PTK7: variants seen among roughly 807,000 people sequenced by gnomAD.
PTK7 encodes the protein inactive tyrosine-protein kinase 7.
In PTK7, 39 loss-of-function variants were observed where a neutral mutation model predicts 116.6. That is an observed-to-expected ratio of 0.33 (90% CI 0.26 to 0.44). The LOEUF (loss-of-function observed/expected upper bound fraction) is 0.44. Among genes scored for constraint, PTK7 ranks in the 20% least tolerant of loss-of-function variants. The pLI, the probability that PTK7 is intolerant of heterozygous loss-of-function variation, is 1.00. For synonymous variants in PTK7, 546 were observed against 563.6 expected, an observed-to-expected ratio of 0.97 and a Z score of 0.44; for missense variants, 1,169 against 1,425.6, an observed-to-expected ratio of 0.82 and a Z score of 2.90.
chr6:43,129,106 C>T lies in PTK7; in HGVS notation c.209C>T (p.Ala70Val), dbSNP rs758889571. 1.2e-6 allele frequency: 2 copies of T among 1,614,182 alleles called. No individual in the cohort carries two copies. Among genetic ancestry groups the T allele is most frequent in the South Asian group, 1.1e-5 (1 of 91,090 alleles). The change falls in exon 2 of 20, where the codon GCC (alanine) becomes GTC (valine). Residue 70 changes from alanine to valine, a missense_variant. Physicochemically the swap from Ala to Val is moderately conservative, Grantham distance 64. This residue lies in a region of PTK7 where 487 missense variants were observed against 549.8 expected (regional missense o/e 0.89). Coordinates refer to ENST00000230419, the MANE Select transcript of PTK7 (RefSeq NM_002821.5). This position sits in a 1 kb window ranked among gnomAD's most constrained non-coding sequence, Gnocchi z 4.5. ...PVHVYWLLDG[A>V]PVQDTERRFA... ...CATGTGTACTGGCTGCTCGATGGGG[C>T]CCCTGTCCAGGACACGGAGCGGCGT...
intron 17 of PTK7, among the ~76,000 whole-genome samples, chr6:43,152,547 T>G (rs1415396041): frequency 6.6e-6 from 1 of 152,226 alleles, no homozygotes; most frequent in Non-Finnish European, 1.5e-5. Context: ...TTCCCAACTC[T>G]AATTACATCA....
chr6:43,143,761 C>CG lies in PTK7; in HGVS notation c.2251+144dup. Reference sequence around the variant, plus strand: ...GGAGCTGGGACTGCCCCACCCCTAGCGGGAAGCCTGGAGTTGGATTCCCAG... The same window carrying CG: ...GGAGCTGGGACTGCCCCACCCCTAGCGGGGAAGCCTGGAGTTGGATTCCCAG... On this transcript the variant is annotated intron_variant, in intron 14 of 19. Coordinates refer to ENST00000230419, the MANE Select transcript of PTK7 (RefSeq NM_002821.5). This position sits in a 1 kb window ranked among gnomAD's most constrained non-coding sequence, Gnocchi z 4.2. The CG allele has an allele frequency of 1.1e-6, 1 of 928,284 alleles. No homozygotes were observed. The highest frequency in any genetic ancestry group is 1.6e-6 in the Non-Finnish European group (1 of 637,226). The allele number at this position is 928,284 out of a possible 1,614,324, so 57.5% of individuals were successfully genotyped here.
At chr6:43,138,697 T>C (rs1770194585) in intron 7 of PTK7, 152 bp from the exon 8 acceptor site, 2 of 1,100,714 alleles carry the variant, frequency 1.8e-6, no homozygotes, top group Non-Finnish European at 2.5e-6. Flanking sequence ...TGCTGGCACC[T>C]GGGTCTTCCG....
Position 43,141,804 on chromosome 6 carries a change from G to A in PTK7, c.1755G>A (p.Gln585=). The stretch of plus-strand genomic sequence containing the variant: ...AGGGCCAGATTCGTGCCCATGTCCA[G>A]CTCACTGTGGCAGGTGCGACCGTGG... ...GPQGQIRAHV[Q]LTVAVFITFK... is the part of the protein sequence containing the mutation. Residue 585 remains glutamine, a synonymous_variant, in exon 11 of 20, where the codon CAG becomes CAA. Transcript: ENST00000230419. This position sits in a 1 kb window ranked among gnomAD's most constrained non-coding sequence, Gnocchi z 4.9. The A allele has an allele frequency of 6.2e-7, 1 of 1,613,740 alleles. No homozygotes were observed. The highest frequency in any genetic ancestry group is 8.5e-7 in the Non-Finnish European group (1 of 1,179,856).
rs1770416772 is a variant in PTK7 at position 43,141,698 on chromosome 6, A to T, written c.1649A>T (p.Asp550Val). 2 of 1,614,154 alleles carry T rather than the reference A, an allele frequency of 1.2e-6. No homozygotes were observed. Among genetic ancestry groups the T allele is most frequent in the Non-Finnish European group, 1.7e-6 (2 of 1,180,030 alleles). ...DGSSLPEWVT[D>V]NAGTLHFARV... ...AGCAGCCTCCCAGAGTGGGTGACAGACAACGCTGGGACCCTGCATTTTGCC... is the reference window on the plus strand; with the variant it reads ...AGCAGCCTCCCAGAGTGGGTGACAGTCAACGCTGGGACCCTGCATTTTGCC... Residue 550 changes from aspartate to valine, a missense_variant, in exon 11 of 20, where the codon GAC becomes GTC. Coordinates refer to ENST00000230419, the MANE Select transcript of PTK7 (RefSeq NM_002821.5). This position sits in a 1 kb window ranked among gnomAD's most constrained non-coding sequence, Gnocchi z 4.9.
intron 1 of PTK7, among the ~76,000 whole-genome samples, chr6:43,101,192 G>T (rs1189721782): frequency 6.8e-6 from 1 of 147,654 alleles, no homozygotes; most frequent in Non-Finnish European, 1.5e-5. Flanking sequence ...TCCAGCCTGG[G>T]CAACAAGAGC....
intron 7 of PTK7, among the ~76,000 whole-genome samples, chr6:43,137,261 G>T (rs1770096776): frequency 6.6e-6 from 1 of 152,184 alleles, no homozygotes; most frequent in Non-Finnish European, 1.5e-5. Context: ...GACTATAATA[G>T]TCTAGGGGAG....
At chr6:43,140,975 C>G (rs1357776863) in intron 10 of PTK7, among the ~76,000 whole-genome samples, 1 of 151,960 alleles carries the variant, frequency 6.6e-6, no homozygotes, top group Non-Finnish European at 1.5e-5. Context: ...ATTGGATTCA[C>G]TGTAATTTAC....
chr6:43,114,490 G>T (rs1343437274), intron 1 of PTK7, among the ~76,000 whole-genome samples: 4 of 151,474 alleles, frequency 2.6e-5, no homozygotes, highest in Non-Finnish European at 5.9e-5. Context: ...TGTGACTTTG[G>T]AGGTCCGTAA....
intron 1 of PTK7, among the ~76,000 whole-genome samples, chr6:43,100,610 T>C (rs1767521611): frequency 6.6e-6 from 1 of 152,032 alleles, no homozygotes. Flanking sequence ...TTTATAGGAG[T>C]TTATGAGATA....
chr6:43,146,473 C>T (rs1239395003), intron 16 of PTK7, 145 bp from the exon 17 acceptor site: 3 of 655,876 alleles, frequency 4.6e-6, no homozygotes, highest in Non-Finnish European at 7.9e-6. Context: ...TCCCAGTGAA[C>T]TTCCCCCTGG....
At chr6:43,118,743 G>GTGTGTA (rs1221698056) in intron 1 of PTK7, among the ~76,000 whole-genome samples, 1 of 123,638 alleles carries the variant, frequency 8.1e-6, no homozygotes. Context: ...GTATATATGT[G>GTGTGTA]TGTGTATGTG....
At position 43,143,762 on chromosome 6, in the gene PTK7, G is replaced by A. The variant is rs531034562; in HGVS notation, c.2251+142G>A. 67 of 914,620 alleles carry A rather than the reference G, an allele frequency of 7.3e-5. No individual in the cohort carries two copies. Among genetic ancestry groups the A allele is most frequent in the Non-Finnish European group, 9.9e-5 (62 of 624,658 alleles). The allele number at this position is 914,620 out of a possible 1,614,324, so 56.7% of individuals were successfully genotyped here. On this transcript the variant is annotated intron_variant, in intron 14 of 19. Coordinates refer to ENST00000230419, the MANE Select transcript of PTK7 (RefSeq NM_002821.5). This position sits in a 1 kb window ranked among gnomAD's most constrained non-coding sequence, Gnocchi z 4.2. ...GAGCTGGGACTGCCCCACCCCTAGCGGGAAGCCTGGAGTTGGATTCCCAGG... is the reference window on the plus strand; with the variant it reads ...GAGCTGGGACTGCCCCACCCCTAGCAGGAAGCCTGGAGTTGGATTCCCAGG...
chr6:43,102,719 G>T (rs1279645278), intron 1 of PTK7, among the ~76,000 whole-genome samples: 1 of 150,224 alleles, frequency 6.7e-6, no homozygotes, highest in African/African-American at 2.5e-5. Context: ...AACAAACATA[G>T]CCATCATTAT....
intron 1 of PTK7, among the ~76,000 whole-genome samples, chr6:43,117,453 A>C (rs1318623363): frequency 1.3e-5 from 2 of 152,176 alleles, no homozygotes; most frequent in Non-Finnish European, 2.9e-5. Context: ...ACAGGGAATT[A>C]ATGAGTGAAA....
At chr6:43,120,585 T>A (rs1023884111) in intron 1 of PTK7, among the ~76,000 whole-genome samples, 63 of 152,182 alleles carry the variant, frequency 4.1e-4, no homozygotes, top group African/African-American at 1.5e-3. Context: ...CCAGGCCTGG[T>A]GCTGCATTTA....
chr6:43,138,565 G>T, intron 7 of PTK7: 1 of 268,572 alleles, frequency 3.7e-6, no homozygotes, highest in Non-Finnish European at 7.0e-6. Flanking sequence ...GGAGGCTGAG[G>T]TGGGAAAAAT....
In PTK7 at chr6:43,138,968, A is replaced by G; in HGVS notation, c.1348A>G (p.Met450Val). The part of the protein sequence containing the change: ...KPTVVWYRNQ[M>V]LISEDSRFEV... Reference sequence around the variant, plus strand: ...TACAGTTGTCTGGTACAGAAACCAGATGCTCATCTCAGAGGTGAGAAAGAA... The same window carrying G: ...TACAGTTGTCTGGTACAGAAACCAGGTGCTCATCTCAGAGGTGAGAAAGAA... Residue 450 changes from methionine to valine, a missense_variant, in exon 8 of 20, where the codon ATG (methionine) becomes GTG (valine). Coordinates refer to ENST00000230419, the MANE Select transcript of PTK7 (RefSeq NM_002821.5). 1 of 1,614,032 alleles carries G rather than the reference A, an allele frequency of 6.2e-7. No homozygotes were observed. The highest frequency in any genetic ancestry group is 8.5e-7 in the Non-Finnish European group (1 of 1,179,994).
chr6:43,159,670 C>A, intron 18 of PTK7, 118 bp from the exon 19 acceptor site: 1 of 1,018,266 alleles, frequency 9.8e-7, no homozygotes, highest in Non-Finnish European at 1.5e-6. Flanking sequence ...TTCTTGATGT[C>A]TGTATGTAGA....
Sources: allele counts gnomAD v4.1 joint callset (sites outside exome capture counted in the v4.1 genomes callset), GRCh38; gene constraint gnomAD v4.1.1; regional missense constraint gnomAD v4.1.1; non-coding constraint Gnocchi (gnomAD v3.1); transcripts MANE v1.5; gene names NCBI Gene and HGNC (gene_info 2026-07-23, HGNC 2026-07-21).